ZNF385B: variants seen among roughly 807,000 people sequenced by gnomAD.
ZNF385B encodes the protein zinc finger protein 533.
In ZNF385B, 23 loss-of-function variants were observed where a neutral mutation model predicts 39.2. That is an observed-to-expected ratio of 0.59 (90% CI 0.42 to 0.83). The LOEUF (loss-of-function observed/expected upper bound fraction) is 0.83, where lower values mean the gene tolerates loss of function less well. ZNF385B is among the 40% of genes least tolerant of loss of function. The pLI is 0.00. For missense variants in ZNF385B, 552 were observed against 598.9 expected (o/e 0.92, Z 0.82); for synonymous variants, 205 against 222.6 (o/e 0.92, Z 0.70).
At chr2:179,623,361 A>C (rs562215270) in intron 3 of ZNF385B, among the ~76,000 whole-genome samples, 6 of 152,150 alleles carry the variant, frequency 3.9e-5, no homozygotes, top group Admixed American at 2.6e-4. Context: ...AAGACAAACT[A>C]CACTTCTCAC....
intron 3 of ZNF385B, among the ~76,000 whole-genome samples, chr2:179,752,881 G>T (rs530708898): frequency 2.6e-5 from 4 of 152,146 alleles, no homozygotes; most frequent in Non-Finnish European, 5.9e-5. Context: ...CATTCTGTGG[G>T]TTGCCTATTC....
chr2:179,493,541 A>G (rs1373227298), intron 5 of ZNF385B, among the ~76,000 whole-genome samples: 1 of 150,894 alleles, frequency 6.6e-6, no homozygotes, highest in Non-Finnish European at 1.5e-5. Flanking sequence ...ATATGCGTAT[A>G]CATACGTGTA....
At chr2:179,846,994 A>G (rs924919568) in intron 1 of ZNF385B, among the ~76,000 whole-genome samples, 1 of 152,262 alleles carries the variant, frequency 6.6e-6, no homozygotes, top group African/African-American at 2.4e-5. Flanking sequence ...CAAAGAGTTA[A>G]AGAGAATGTG....
intron 3 of ZNF385B, among the ~76,000 whole-genome samples, chr2:179,714,450 A>G (rs1352590316): frequency 6.6e-6 from 1 of 152,172 alleles, no homozygotes; most frequent in African/African-American, 2.4e-5. Flanking sequence ...TCAACCATGC[A>G]ATGCCTCCTT....
At chr2:179,609,003 T>C (rs56219418) in intron 3 of ZNF385B, among the ~76,000 whole-genome samples, 49,689 of 151,700 alleles carry the variant, frequency 0.33, 8,523 homozygotes, top group Middle Eastern at 0.46. Flanking sequence ...TATAGAAATA[T>C]AATGCCTAAT....
At chr2:179,698,709 C>G (rs2106359375) in intron 3 of ZNF385B, among the ~76,000 whole-genome samples, 1 of 152,142 alleles carries the variant, frequency 6.6e-6, no homozygotes, top group Non-Finnish European at 1.5e-5. Context: ...GCACATAATA[C>G]CAGAAATTCA....
chr2:179,547,900 C>A (rs1217514184), intron 3 of ZNF385B, among the ~76,000 whole-genome samples: 2 of 149,570 alleles, frequency 1.3e-5, no homozygotes, highest in African/African-American at 5.0e-5. Context: ...CAATTTCTTT[C>A]ATCAATGTTT....
intron 6 of ZNF385B, among the ~76,000 whole-genome samples, chr2:179,450,927 G>C (rs1172903019): frequency 6.6e-6 from 1 of 151,684 alleles, no homozygotes; most frequent in South Asian, 2.1e-4. Flanking sequence ...GCCATAAAAA[G>C]TGATGAGTTC....
chr2:179,829,290 T>C (rs1707844149), intron 1 of ZNF385B, among the ~76,000 whole-genome samples: 2 of 152,170 alleles, frequency 1.3e-5, no homozygotes, highest in African/African-American at 4.8e-5. Flanking sequence ...AATATCTTCC[T>C]ATAAATATAT....
At chr2:179,489,406 A>T (rs970264297) in intron 5 of ZNF385B, among the ~76,000 whole-genome samples, 3 of 152,204 alleles carry the variant, frequency 2.0e-5, no homozygotes, top group African/African-American at 7.2e-5. Context: ...ATAGAAAATG[A>T]TTAGGATGTA....
At chr2:179,807,970 C>T (rs1329435929) in intron 1 of ZNF385B, among the ~76,000 whole-genome samples, 3 of 151,462 alleles carry the variant, frequency 2.0e-5, no homozygotes, top group African/African-American at 7.3e-5. Flanking sequence ...AGCAGGCTAC[C>T]ATTTATATAA....
At chr2:179,461,703 A>G (rs892549225) in intron 6 of ZNF385B, among the ~76,000 whole-genome samples, 2 of 152,176 alleles carry the variant, frequency 1.3e-5, no homozygotes, top group African/African-American at 4.8e-5. Context: ...GCAAAATACT[A>G]CCCTTTTCTT....
chr2:179,670,979 T>A (rs752963033), intron 3 of ZNF385B, among the ~76,000 whole-genome samples: 4 of 152,180 alleles, frequency 2.6e-5, no homozygotes, highest in Non-Finnish European at 5.9e-5. Flanking sequence ...TCTCCATCTA[T>A]GGAATGTGAT....
chr2:179,689,999 C>A (rs151224931), intron 3 of ZNF385B, among the ~76,000 whole-genome samples: 1 of 152,148 alleles, frequency 6.6e-6, no homozygotes, highest in African/African-American at 2.4e-5. Context: ...TTGATTCCAG[C>A]ATTGCTAGTC....
At chr2:179,762,983 C>T (rs1703486313) in intron 3 of ZNF385B, among the ~76,000 whole-genome samples, 1 of 152,204 alleles carries the variant, frequency 6.6e-6, no homozygotes, top group East Asian at 1.9e-4. Context: ...TGGCTCACCA[C>T]AACCTGTGCC....
chr2:179,645,485 C>A (rs1378902324), intron 3 of ZNF385B, among the ~76,000 whole-genome samples: 1 of 152,070 alleles, frequency 6.6e-6, no homozygotes, highest in African/African-American at 2.4e-5. Context: ...ACCTAACAGG[C>A]AATATATTAT....
chr2:179,600,092 A>T (rs1319503956), intron 3 of ZNF385B, among the ~76,000 whole-genome samples: 1 of 152,158 alleles, frequency 6.6e-6, no homozygotes, highest in Non-Finnish European at 1.5e-5. Context: ...TCATTAGTAA[A>T]CCTAAATGGA....
chr2:179,721,232 G>C (rs1329864371), intron 3 of ZNF385B, among the ~76,000 whole-genome samples: 1 of 152,082 alleles, frequency 6.6e-6, no homozygotes, highest in Non-Finnish European at 1.5e-5. Context: ...AAAATTTTAA[G>C]TTGGCTATTA....
chr2:179,483,174 T>G, intron 6 of ZNF385B, 98 bp downstream of exon 6: 4 of 1,335,354 alleles, frequency 3.0e-6, no homozygotes, highest in Non-Finnish European at 4.2e-6. Flanking sequence ...AAACAAATCA[T>G]GGAGAGTAAC....
Sources: allele counts gnomAD v4.1 joint callset (sites outside exome capture counted in the v4.1 genomes callset), GRCh38; gene constraint gnomAD v4.1.1; transcripts MANE v1.5; gene names NCBI Gene and HGNC (gene_info 2026-07-23, HGNC 2026-07-21).